ASCC3: variants seen among roughly 807,000 people sequenced by gnomAD.
The protein encoded by ASCC3 is ASC-1 complex subunit P200.
A neutral mutation model predicts 256.3 loss-of-function variants in ASCC3; 158 were observed. The ratio of observed to expected loss-of-function variants is 0.62; its 90% CI spans 0.54 to 0.70. The LOEUF (loss-of-function observed/expected upper bound fraction) is 0.70. Among genes scored for constraint, ASCC3 ranks in the 30% least tolerant of loss-of-function variants. The pLI, the probability that ASCC3 is intolerant of heterozygous loss-of-function variation, is 0.00. For synonymous variants in ASCC3, 948 were observed against 883.4 expected, an observed-to-expected ratio of 1.07 and a Z score of -1.30; for missense variants, 2,259 against 2,626.0, an observed-to-expected ratio of 0.86 and a Z score of 3.05.
At chr6:100,685,051 C>T (rs1285831539) in intron 13 of ASCC3, among the ~76,000 whole-genome samples, 1 of 152,060 alleles carries the variant, frequency 6.6e-6, no homozygotes, top group Non-Finnish European at 1.5e-5. Context: ...TCGTGATCCG[C>T]CAGCCTCGGC....
At chr6:100,803,346 T>C (rs1220093769) in intron 5 of ASCC3, among the ~76,000 whole-genome samples, 1 of 152,116 alleles carries the variant, frequency 6.6e-6, no homozygotes, top group Non-Finnish European at 1.5e-5. Context: ...GTTCTAGTGA[T>C]AGTGATTGAG....
rs1774410373 is a variant in ASCC3, at chr6:100,629,187, G to A, written c.4209-6C>T. 5 of 1,612,202 alleles carry A rather than the reference G, an allele frequency of 3.1e-6. No individual in the cohort carries two copies. The highest frequency in any genetic ancestry group is 4.2e-6 in the Non-Finnish European group (5 of 1,178,822). On this transcript the variant is annotated splice_region_variant and splice_polypyrimidine_tract_variant and intron_variant, in intron 26 of 41. Transcript: ENST00000369162. ...CCCCTGTTAGTTCAATAACTCTGGAGGGAAATATAACAATGATCCCAGAAA... is the reference window on the plus strand; with the variant it reads ...CCCCTGTTAGTTCAATAACTCTGGAAGGAAATATAACAATGATCCCAGAAA...
At chr6:100,803,020 T>C (rs1769997756) in intron 5 of ASCC3, among the ~76,000 whole-genome samples, 1 of 151,788 alleles carries the variant, frequency 6.6e-6, no homozygotes, top group Non-Finnish European at 1.5e-5. Flanking sequence ...AAACAAAAGC[T>C]AGAATCAGTA....
chr6:100,838,332 A>G (rs1303408859), intron 4 of ASCC3, among the ~76,000 whole-genome samples: 1 of 152,044 alleles, frequency 6.6e-6, no homozygotes, highest in East Asian at 1.9e-4. Flanking sequence ...CTGAATATGG[A>G]TAATTATAAA....
At chr6:100,769,225 G>C (rs1401504201) in intron 8 of ASCC3, among the ~76,000 whole-genome samples, 1 of 151,972 alleles carries the variant, frequency 6.6e-6, no homozygotes, top group Non-Finnish European at 1.5e-5. Flanking sequence ...AGAGGACAGG[G>C]GGAAGAAAAG....
intron 4 of ASCC3, among the ~76,000 whole-genome samples, chr6:100,831,324 T>A (rs1582931472): frequency 7.1e-6 from 1 of 141,044 alleles, no homozygotes; most frequent in Non-Finnish European, 1.6e-5. Context: ...CTCTTCTGGT[T>A]AAAAAAAAAA....
chr6:100,736,579 T>C (rs908629941), intron 10 of ASCC3, among the ~76,000 whole-genome samples: 3 of 152,216 alleles, frequency 2.0e-5, no homozygotes, highest in African/African-American at 7.2e-5. Context: ...CTCCCTAATC[T>C]GCTTGTATAC....
chr6:100,652,596 T>G, intron 18 of ASCC3, 129 bp downstream of exon 18: 1 of 997,450 alleles, frequency 1.0e-6, no homozygotes, highest in Non-Finnish European at 1.5e-6. Context: ...GAGGGTATAC[T>G]GTTGAATTCA....
At chr6:100,663,646 G>A (rs962199548) in intron 14 of ASCC3, among the ~76,000 whole-genome samples, 2 of 151,988 alleles carry the variant, frequency 1.3e-5, no homozygotes, top group Admixed American at 1.3e-4. Context: ...TTCAACTTAA[G>A]GGAATAAAAA....
chr6:100,612,623 C>T (rs1297439896), intron 30 of ASCC3, among the ~76,000 whole-genome samples: 1 of 151,876 alleles, frequency 6.6e-6, no homozygotes, highest in Non-Finnish European at 1.5e-5. Flanking sequence ...TTAAATGACA[C>T]TAAAACATTT....
At chr6:100,819,073 C>T (rs1770910476) in intron 4 of ASCC3, among the ~76,000 whole-genome samples, 1 of 151,842 alleles carries the variant, frequency 6.6e-6, no homozygotes, top group South Asian at 2.1e-4. Flanking sequence ...GGACAGAAAA[C>T]CAAACACTGC....
At chr6:100,763,066 A>C (rs1337647277) in intron 10 of ASCC3, among the ~76,000 whole-genome samples, 1 of 152,222 alleles carries the variant, frequency 6.6e-6, no homozygotes, top group Non-Finnish European at 1.5e-5. Context: ...AAAGTGAGGA[A>C]AGCAAGAAAT....
chr6:100,764,594 C>T (rs1781564143), intron 10 of ASCC3, among the ~76,000 whole-genome samples: 2 of 152,124 alleles, frequency 1.3e-5, no homozygotes, highest in Admixed American at 6.6e-5. Flanking sequence ...ATTGTTTTGG[C>T]TTTGGGACTC....
chr6:100,718,393 A>T (rs950784207), intron 11 of ASCC3, 142 bp from the exon 12 acceptor site: 10 of 621,862 alleles, frequency 1.6e-5, no homozygotes, highest in Non-Finnish European at 2.2e-5. Context: ...ATCATGTCAG[A>T]CATTGTAGCC....
At chr6:100,845,104 G>C (rs1360782042) in intron 4 of ASCC3, among the ~76,000 whole-genome samples, 4 of 152,112 alleles carry the variant, frequency 2.6e-5, no homozygotes, top group Non-Finnish European at 4.4e-5. Flanking sequence ...AAGATGCTTA[G>C]CTTCAAAACA....
At chr6:100,842,744 G>C (rs1772206553) in intron 4 of ASCC3, among the ~76,000 whole-genome samples, 1 of 152,158 alleles carries the variant, frequency 6.6e-6, no homozygotes, top group African/African-American at 2.4e-5. Flanking sequence ...GCCGTGGTGA[G>C]AGGATCACTT....
Position 100,696,438 on chromosome 6 carries a change from G to T in ASCC3, c.2152-16686C>A, listed in dbSNP as rs964950386. 5.3e-5 allele frequency among the ~76,000 whole-genome samples: 8 copies of T among 152,076 alleles called. No homozygotes were observed. In the East Asian group the frequency reaches 1.5e-3, roughly 29 times the overall value. Reference sequence around the variant, plus strand: ...AATACTCTGTTCAATTTTATCAAATGATTTCTCTAAAAATGTAGTCAACAA... The same window carrying T: ...AATACTCTGTTCAATTTTATCAAATTATTTCTCTAAAAATGTAGTCAACAA... On this transcript the variant is annotated intron_variant, in intron 13 of 41. Coordinates refer to ENST00000369162, the MANE Select transcript of ASCC3 (RefSeq NM_006828.4).
chr6:100,864,622 C>T (rs1039652593), intron 2 of ASCC3, among the ~76,000 whole-genome samples: 7 of 152,038 alleles, frequency 4.6e-5, no homozygotes, highest in Non-Finnish European at 8.8e-5. Flanking sequence ...TTATGTCATG[C>T]TTTTTAATGA....
intron 10 of ASCC3, among the ~76,000 whole-genome samples, chr6:100,740,452 CTT>C (rs1780380846): frequency 6.6e-6 from 1 of 152,120 alleles, no homozygotes; most frequent in Admixed American, 6.5e-5. Context: ...ATCTGGTCCA[CTT>C]GATCCAAACC....
Sources: gnomAD v4.1 joint callset for allele counts (sites outside exome capture counted in the v4.1 genomes callset) on GRCh38, gnomAD v4.1.1 for gene constraint, MANE v1.5 for transcripts, NCBI Gene and HGNC (gene_info 2026-07-23, HGNC 2026-07-21) for gene names.